Variants in ACYP2 observed in about 807,000 individuals in gnomAD.
The protein encoded by ACYP2 is acylphosphatase-2.
ACYP2 carries 12 observed loss-of-function variants against 11.2 expected under a neutral mutation model. That is an observed-to-expected ratio of 1.08 (90% CI 0.69 to 1.74). ACYP2 has a LOEUF of 1.74. ACYP2 is among the 40% of genes most tolerant of loss of function. ACYP2 has a pLI of 0.00. For missense variants in ACYP2, 134 were observed against 101.9 expected, an observed-to-expected ratio of 1.31 and a Z score of -1.35; for synonymous variants, 43 against 32.2, an observed-to-expected ratio of 1.33 and a Z score of -1.13.
intron 6 of ACYP2, among the ~76,000 whole-genome samples, chr2:54,274,850 C>T (rs1186483107): frequency 1.3e-5 from 2 of 152,112 alleles, no homozygotes; most frequent in African/African-American, 2.4e-5. Context: ...ACGGTTTCTC[C>T]AACATGGATA....
At chr2:54,292,278 G>A (rs2104146213) in intron 6 of ACYP2, among the ~76,000 whole-genome samples, 1 of 152,142 alleles carries the variant, frequency 6.6e-6, no homozygotes, top group East Asian at 1.9e-4. Flanking sequence ...TTGCCCTAAA[G>A]CTACATTGTC....
At chr2:54,215,333 AAGGAGAATGCTTCCAGCTTTTGCC>A (rs1685516858) in intron 6 of ACYP2, among the ~76,000 whole-genome samples, 1 of 152,186 alleles carries the variant, frequency 6.6e-6, no homozygotes, top group Admixed American at 6.5e-5. Flanking sequence ...GCCAGTCTTC[AAGGAGAATGCTTCCAGCTTTTGCC>A]TATTGAGTAT....
chr2:53,995,860 C>T (rs756681678), intron 2 of ACYP2, among the ~76,000 whole-genome samples: 3 of 152,070 alleles, frequency 2.0e-5, no homozygotes, highest in Non-Finnish European at 4.4e-5. Flanking sequence ...GGGCTGGGCA[C>T]GGTCGTTCAC....
intron 6 of ACYP2, among the ~76,000 whole-genome samples, chr2:54,186,891 C>A (rs1179298495): frequency 6.6e-6 from 1 of 151,838 alleles, no homozygotes; most frequent in Non-Finnish European, 1.5e-5. Flanking sequence ...TTACAATATA[C>A]TATATAGTAA....
chr2:54,165,531 T>TCACACA (rs1381014533), intron 6 of ACYP2, among the ~76,000 whole-genome samples: 21 of 119,666 alleles, frequency 1.8e-4, no homozygotes, highest in South Asian at 3.1e-4. Context: ...TCTCTCTCTC[T>TCACACA]CTCTCACACA....
intron 4 of ACYP2, among the ~76,000 whole-genome samples, chr2:54,095,764 C>T (rs1678516656): frequency 2.3e-5 from 3 of 131,436 alleles, no homozygotes; most frequent in South Asian, 2.6e-4. Flanking sequence ...ACCTCCCGGA[C>T]GGGGCGGCTG....
intron 4 of ACYP2, among the ~76,000 whole-genome samples, chr2:54,120,566 A>G (rs1680088826): frequency 6.6e-6 from 1 of 152,110 alleles, no homozygotes; most frequent in African/African-American, 2.4e-5. Context: ...TTGACTACTG[A>G]TGACACAGAA....
intron 2 of ACYP2, among the ~76,000 whole-genome samples, chr2:54,027,594 T>C (rs576778018): frequency 5.9e-5 from 9 of 152,210 alleles, no homozygotes; most frequent in Admixed American, 4.6e-4. Context: ...TGCTTTTCTC[T>C]TGTTAATCTG....
chr2:54,118,203 G>A (rs182495092), intron 4 of ACYP2, among the ~76,000 whole-genome samples: 5 of 152,308 alleles, frequency 3.3e-5, no homozygotes, highest in Admixed American at 3.3e-4. Context: ...GTACTCTTTA[G>A]AAAGTCTTTG....
At chr2:54,108,247 G>C (rs774260720) in intron 4 of ACYP2, among the ~76,000 whole-genome samples, 3 of 152,288 alleles carry the variant, frequency 2.0e-5, no homozygotes, top group Non-Finnish European at 2.9e-5. Flanking sequence ...AATCTTAATT[G>C]CAAGAATGTC....
chr2:54,256,318 C>G (rs898371842), intron 6 of ACYP2: 3 of 690,492 alleles, frequency 4.3e-6, no homozygotes, highest in Non-Finnish European at 7.4e-6. Flanking sequence ...CTCAGTCTCG[C>G]GAGTCTGTGG....
At chr2:54,295,141 G>A (rs1689473901) in intron 6 of ACYP2, among the ~76,000 whole-genome samples, 1 of 152,090 alleles carries the variant, frequency 6.6e-6, no homozygotes, top group Non-Finnish European at 1.5e-5. Flanking sequence ...CCCGAATTCT[G>A]GGTAAAGCCA....
chr2:54,011,209 A>T (rs928484885), intron 2 of ACYP2, among the ~76,000 whole-genome samples: 2 of 152,312 alleles, frequency 1.3e-5, no homozygotes, highest in East Asian at 3.9e-4. Context: ...ATAATATAAC[A>T]CTTTTATTCC....
chr2:54,264,220 G>A (rs1437478178), intron 6 of ACYP2, among the ~76,000 whole-genome samples: 2 of 152,148 alleles, frequency 1.3e-5, no homozygotes, highest in Non-Finnish European at 2.9e-5. Context: ...CTCAGTGAGT[G>A]CTACAGGTCA....
intron 2 of ACYP2, among the ~76,000 whole-genome samples, chr2:54,034,749 G>T (rs1019608434): frequency 2.0e-5 from 3 of 151,998 alleles, no homozygotes; most frequent in African/African-American, 7.2e-5. Context: ...GGTGGCTCAC[G>T]CCTGTAATCC....
intron 6 of ACYP2, among the ~76,000 whole-genome samples, chr2:54,174,167 T>C (rs1683338479): frequency 6.6e-6 from 1 of 152,244 alleles, no homozygotes; most frequent in Non-Finnish European, 1.5e-5. Context: ...TCCATGAGCA[T>C]GGAATGTTCT....
At chr2:54,150,318 G>T (rs541297676) in intron 6 of ACYP2, among the ~76,000 whole-genome samples, 1 of 152,220 alleles carries the variant, frequency 6.6e-6, no homozygotes, top group East Asian at 1.9e-4. Flanking sequence ...TATAACAGCT[G>T]TCAGACAAGC....
chr2:54,199,349 C>G (rs147344739), intron 6 of ACYP2, among the ~76,000 whole-genome samples: 1 of 152,276 alleles, frequency 6.6e-6, no homozygotes, highest in East Asian at 1.9e-4. Flanking sequence ...CTCGTGCACA[C>G]GTGTCATTGT....
At chr2:54,200,158 G>T (rs1271673382) in intron 6 of ACYP2, among the ~76,000 whole-genome samples, 2 of 152,126 alleles carry the variant, frequency 1.3e-5, no homozygotes, top group Non-Finnish European at 2.9e-5. Context: ...GCTGAGTTTG[G>T]TATCTCTCAA....
Sources: gnomAD v4.1 joint callset for allele counts (sites outside exome capture counted in the v4.1 genomes callset) on GRCh38, gnomAD v4.1.1 for gene constraint, MANE v1.5 for transcripts, NCBI Gene and HGNC (gene_info 2026-07-23, HGNC 2026-07-21) for gene names.